Variants in CRIM1 observed in about 807,000 individuals in gnomAD.
The protein encoded by CRIM1 is cysteine rich transmembrane BMP regulator 1.
Under a neutral mutation model 116.4 loss-of-function variants are expected in CRIM1, and 32 were observed. The observed-to-expected ratio is 0.27, with a 90% CI of 0.21 to 0.37. The LOEUF (loss-of-function observed/expected upper bound fraction) is 0.37. CRIM1 is among the 10% of genes least tolerant of loss of function. The pLI is 1.00. For synonymous variants in CRIM1, 590 were observed against 509.2 expected, an observed-to-expected ratio of 1.16 and a Z score of -2.13; for missense variants, 1,331 against 1,354.8, an observed-to-expected ratio of 0.98 and a Z score of 0.28.
At chr2:36,426,839 G>A (rs1326272337) in intron 2 of CRIM1, among the ~76,000 whole-genome samples, 6 of 152,102 alleles carry the variant, frequency 3.9e-5, no homozygotes, top group African/African-American at 1.4e-4. Context: ...ACAAAGGATA[G>A]CATTGACATA....
At chr2:36,471,018 C>A (rs557820031) in intron 5 of CRIM1, among the ~76,000 whole-genome samples, 1 of 152,300 alleles carries the variant, frequency 6.6e-6, no homozygotes, top group South Asian at 2.1e-4. Flanking sequence ...GAAGAAGTAA[C>A]TGCAGATGTA....
At chr2:36,526,437 C>G (rs572844932) in intron 13 of CRIM1, among the ~76,000 whole-genome samples, 23 of 152,250 alleles carry the variant, frequency 1.5e-4, no homozygotes, top group Non-Finnish European at 2.8e-4. Context: ...CTAAAGCATC[C>G]CATGGCCATT....
At chr2:36,389,083 T>A (rs1021613771) in intron 1 of CRIM1, among the ~76,000 whole-genome samples, 1 of 152,238 alleles carries the variant, frequency 6.6e-6, no homozygotes, top group Non-Finnish European at 1.5e-5. Context: ...TGGTTTATAG[T>A]TACATATGCT....
chr2:36,527,484 A>G (rs1258860621), intron 13 of CRIM1, among the ~76,000 whole-genome samples: 1 of 152,176 alleles, frequency 6.6e-6, no homozygotes, highest in Non-Finnish European at 1.5e-5. Context: ...TTTCTTCTCA[A>G]CTGGCTGTGA....
At chr2:36,435,691 A>G (rs545477667) in intron 2 of CRIM1, among the ~76,000 whole-genome samples, 1 of 152,064 alleles carries the variant, frequency 6.6e-6, no homozygotes, top group Admixed American at 6.5e-5. Context: ...TCCTTGACAT[A>G]TGGACCTGAA....
intron 2 of CRIM1, among the ~76,000 whole-genome samples, chr2:36,398,935 A>G (rs3755214): frequency 0.73 from 111,309 of 152,122 alleles, 41,764 homozygotes; most frequent in East Asian, 0.99. Context: ...ATGCCAAGAA[A>G]GTATGATTTG....
rs181318043 is a variant in CRIM1 at position 36,447,121 on chromosome 2, A to C, written c.869+4386A>C. Among the ~76,000 whole-genome samples, 210 of 152,326 alleles carry C rather than the reference A, an allele frequency of 1.4e-3. 1 individual carries two copies. The highest frequency in any genetic ancestry group is 4.7e-3 in the African/African-American group (197 of 41,574). ...CATATCTTACCATCACTTTAATTCT[A>C]TGAGGAATTTATAGGTATGAGAATG... On this transcript the variant is annotated intron_variant, in intron 4 of 16. Coordinates refer to ENST00000280527, the MANE Select transcript of CRIM1 (RefSeq NM_016441.3).
At chr2:36,420,736 G>A (rs1235646232) in intron 2 of CRIM1, among the ~76,000 whole-genome samples, 1 of 152,188 alleles carries the variant, frequency 6.6e-6, no homozygotes, top group Non-Finnish European at 1.5e-5. Flanking sequence ...TAAGAAAGGA[G>A]AGCACAGTCG....
chr2:36,520,090 C>T (rs531887998), intron 12 of CRIM1, among the ~76,000 whole-genome samples: 2 of 152,270 alleles, frequency 1.3e-5, no homozygotes, highest in Non-Finnish European at 2.9e-5. Context: ...ATGACATTGT[C>T]GGTCAGGGTT....
At chr2:36,510,830 T>C (rs1490287365) in intron 9 of CRIM1, among the ~76,000 whole-genome samples, 1 of 152,084 alleles carries the variant, frequency 6.6e-6, no homozygotes, top group African/African-American at 2.4e-5. Flanking sequence ...TTTAGAAAAA[T>C]CACCTTAATT....
At chr2:36,545,750 T>G (rs1667279451) in intron 15 of CRIM1, among the ~76,000 whole-genome samples, 1 of 152,176 alleles carries the variant, frequency 6.6e-6, no homozygotes, top group African/African-American at 2.4e-5. Flanking sequence ...CACCAAGACC[T>G]TCCTTAATTT....
At chr2:36,388,014 A>T (rs1363290731) in intron 1 of CRIM1, among the ~76,000 whole-genome samples, 3 of 150,492 alleles carry the variant, frequency 2.0e-5, no homozygotes, top group African/African-American at 7.3e-5. Flanking sequence ...ACACTGTCTT[A>T]ACTGTGTCCC....
At chr2:36,403,456 A>C (rs1355292735) in intron 2 of CRIM1, among the ~76,000 whole-genome samples, 1 of 152,220 alleles carries the variant, frequency 6.6e-6, no homozygotes, top group Non-Finnish European at 1.5e-5. Context: ...AGATGGATAA[A>C]TCAAGGAAGG....
At chr2:36,366,128 T>G (rs1669589570) in intron 1 of CRIM1, among the ~76,000 whole-genome samples, 1 of 152,256 alleles carries the variant, frequency 6.6e-6, no homozygotes, top group African/African-American at 2.4e-5. Flanking sequence ...GCAGATGCTT[T>G]AAATTGGCTA....
chr2:36,413,571 A>G (rs926814487), intron 2 of CRIM1, among the ~76,000 whole-genome samples: 3 of 152,182 alleles, frequency 2.0e-5, no homozygotes, highest in Non-Finnish European at 2.9e-5. Context: ...CCCAGAACCA[A>G]CAAGCAGACA....
Position 36,449,141 on chromosome 2 carries a change from A to C in CRIM1, c.869+6406A>C, listed in dbSNP as rs568389579. Among the ~76,000 whole-genome samples, 4 of 152,242 alleles carry C rather than the reference A, an allele frequency of 2.6e-5. No individual in the cohort carries two copies. In the East Asian group the frequency reaches 7.7e-4, roughly 29 times the overall value. ...CTGTTTTCACCAAAAAATGTAATAG[A>C]ATATGTTGGACACATGAAATTCTAA... is the stretch of plus-strand genomic sequence containing the variant. On this transcript the variant is annotated intron_variant, in intron 4 of 16. Transcript: ENST00000280527.
rs1478231973 is a variant in CRIM1 at position 36,499,278 on chromosome 2, A to T, written c.1432A>T (p.Thr478Ser). The T allele has an allele frequency of 6.2e-7, 1 of 1,613,776 alleles. No homozygotes were observed. The highest frequency in any genetic ancestry group is 1.3e-5 in the African/African-American group (1 of 75,044). The change falls in exon 8 of 17, where the codon ACA becomes TCA. Residue 478 changes from threonine (T) to serine (S), a missense_variant. This residue lies in a region of CRIM1 where 690 missense variants were observed against 676.0 expected (regional missense o/e 1.02). Transcript: ENST00000280527. ...TGGGGAGTTATCAAACTGCACTCTG[A>T]CAGGGAAGGACTGCATTAATGGTTT... ...ACGELSNCTLTGKDCINGFKR... is the reference protein window; with the variant it reads ...ACGELSNCTLSGKDCINGFKR...
At position 36,451,794 on chromosome 2, in the gene CRIM1, C is replaced by G. The variant is rs544281206; in HGVS notation, c.869+9059C>G. ...CATCAACCCAACCTGACAAATATGT[C>G]AAAGCCAGAAACTTCCTGAGGGTGG... On this transcript the variant is annotated intron_variant, in intron 4 of 16. Transcript: ENST00000280527. Among the ~76,000 whole-genome samples, 8 of 152,302 alleles carry G rather than the reference C, an allele frequency of 5.3e-5. No individual in the cohort carries two copies. The South Asian group carries it at 1.7e-3, about 32-fold the overall frequency.
At chr2:36,391,906 A>G (rs1671641107) in intron 1 of CRIM1, among the ~76,000 whole-genome samples, 3 of 152,224 alleles carry the variant, frequency 2.0e-5, no homozygotes, top group African/African-American at 7.2e-5. Context: ...ACTTTCAGTA[A>G]AGCAAAATGG....
Sources: allele counts gnomAD v4.1 joint callset (sites outside exome capture counted in the v4.1 genomes callset), GRCh38; gene constraint gnomAD v4.1.1; regional missense constraint gnomAD v4.1.1; transcripts MANE v1.5; gene names NCBI Gene and HGNC (gene_info 2026-07-23, HGNC 2026-07-21).